Variants in INTU observed in about 807,000 individuals in gnomAD.
The protein encoded by INTU is inturned planar cell polarity protein.
Under a neutral mutation model 100.5 loss-of-function variants are expected in INTU, and 68 were observed. The observed-to-expected ratio is 0.68, with a 90% confidence interval of 0.56 to 0.83. INTU has a LOEUF of 0.83. Ranked by LOEUF, INTU falls within the 40% of genes least tolerant of loss-of-function variation. The pLI, the probability that INTU is intolerant of heterozygous loss-of-function variation, is 0.00. For synonymous variants in INTU, 357 were observed against 395.7 expected (o/e 0.90, Z 1.16); for missense variants, 1,071 against 1,114.7 (o/e 0.96, Z 0.56).
chr4:127,656,580 C>A, intron 2 of INTU, 56 bp from the exon 3 acceptor site: 2 of 1,244,296 alleles, frequency 1.6e-6, no homozygotes, highest in Non-Finnish European at 2.4e-6. Context: ...CAATTCTAGA[C>A]CTCTATGGTT....
At chr4:127,643,439 AC>A in intron 1 of INTU, 81 bp from the exon 2 acceptor site, 1 of 1,137,936 alleles carries the variant, frequency 8.8e-7, no homozygotes, top group Non-Finnish European at 1.2e-6. Flanking sequence ...CCCAGCCCCA[AC>A]CCTCACCCCC....
rs746943564 is a variant in INTU, at chr4:127,639,425, TCTC to T, written c.147-4093_147-4091del. On this transcript the variant is annotated intron_variant, in intron 1 of 15. Transcript: ENST00000335251. The stretch of plus-strand genomic sequence containing the variant: ...CAAGGGGAGGAGGGATTAAACTTCA[TCTC>T]CTGGAGTGGGGATTATCTATATGTA... Among the ~76,000 whole-genome samples, 8 of 152,244 alleles carry T rather than the reference TCTC, an allele frequency of 5.3e-5. No homozygotes were observed. In the South Asian group the frequency reaches 6.2e-4, roughly 12 times the overall value.
At chr4:127,639,112 C>G (rs897497565) in intron 1 of INTU, among the ~76,000 whole-genome samples, 2 of 152,164 alleles carry the variant, frequency 1.3e-5, no homozygotes, top group African/African-American at 4.8e-5. Context: ...TTTGTCAAAA[C>G]AAGACATGAA....
At chr4:127,708,470 T>C (rs1199433079) in intron 12 of INTU, 101 bp from the exon 13 acceptor site, 1 of 637,326 alleles carries the variant, frequency 1.6e-6, no homozygotes, top group East Asian at 2.9e-5. Context: ...GCATTGCAAA[T>C]GGTAAGTAGT....
chr4:127,710,916 G>T lies in INTU; in HGVS notation c.2373G>T (p.Leu791=). Reference sequence around the variant, plus strand: ...TTTGATTTTTTTTCTTTTTAAGACTGACATCTGGTCCTGAGAACACACTTT... The same window carrying T: ...TTTGATTTTTTTTCTTTTTAAGACTTACATCTGGTCCTGAGAACACACTTT... ...KELEIYNTVK[L]TSGPENTLFH... Residue 791 remains leucine (L), a synonymous_variant, in exon 14 of 16, where the codon CTG becomes CTT. Coordinates refer to ENST00000335251, the MANE Select transcript of INTU (RefSeq NM_015693.4). 2.1e-6 allele frequency: 3 copies of T among 1,426,132 alleles called. No individual in the cohort carries two copies. Among genetic ancestry groups the T allele is most frequent in the East Asian group, 4.9e-5 (2 of 40,836 alleles). 88.3% of individuals were successfully genotyped at this position (1,426,132 alleles called of 1,614,324 possible). A position where few individuals can be genotyped will look rare whatever the true frequency, so the allele number is the denominator to read the frequency against.
At chr4:127,637,939 T>G (rs1267861412) in intron 1 of INTU, among the ~76,000 whole-genome samples, 1 of 152,190 alleles carries the variant, frequency 6.6e-6, no homozygotes, top group Non-Finnish European at 1.5e-5. Context: ...TTTGCCTTCT[T>G]TGACATGCTT....
chr4:127,637,989 C>G (rs1418385379), intron 1 of INTU, among the ~76,000 whole-genome samples: 1 of 152,186 alleles, frequency 6.6e-6, no homozygotes, highest in African/African-American at 2.4e-5. Flanking sequence ...AGAGCTTCAG[C>G]TCATCTGAGA....
At position 127,716,342 on chromosome 4, in the gene INTU, C is replaced by CA. The variant is rs889622454; in HGVS notation, c.2739dup (p.Pro914ThrfsTer10). On this transcript the variant is annotated frameshift_variant, in exon 16 of 16. Coordinates refer to ENST00000335251, the MANE Select transcript of INTU (RefSeq NM_015693.4). LOFTEE classifies it high-confidence loss of function. ...TTCTGCAGGAGACTTTTTCTTCATC[C>CA]AAAACCTCAAGAACTTTATGTCTGT... 1.3e-6 allele frequency: 2 copies of CA among 1,563,580 alleles called. No homozygotes were observed. The highest frequency in any genetic ancestry group is 2.7e-5 in the African/African-American group (2 of 73,340).
At position 127,708,561 on chromosome 4, in the gene INTU, T is replaced by C. The variant is rs1245234196; in HGVS notation, c.2272-10T>C. 2 of 1,452,164 alleles carry C rather than the reference T, an allele frequency of 1.4e-6. No homozygotes were observed. Among genetic ancestry groups the C allele is most frequent in the South Asian group, 1.2e-5 (1 of 84,750 alleles). 90.0% of individuals were successfully genotyped at this position (1,452,164 alleles called of 1,614,324 possible). A position where few individuals can be genotyped will look rare whatever the true frequency, so the allele number is the denominator to read the frequency against. The stretch of plus-strand genomic sequence containing the variant: ...AGATATAAACTGATCTACTTAACTA[T>C]ATTTTTCAGGTCACTAAAAAGAAGT... On this transcript the variant is annotated splice_polypyrimidine_tract_variant and intron_variant, in intron 12 of 15. Coordinates refer to ENST00000335251, the MANE Select transcript of INTU (RefSeq NM_015693.4).
chr4:127,710,567 C>T (rs987780533), intron 13 of INTU, among the ~76,000 whole-genome samples: 23 of 152,094 alleles, frequency 1.5e-4, no homozygotes, highest in Admixed American at 9.8e-4. Flanking sequence ...GGGCCAGACA[C>T]GAGCTGAATT....
chr4:127,643,523 A>T lies in INTU; in HGVS notation c.149A>T (p.Asp50Val), dbSNP rs1727425195. The T allele has an allele frequency of 1.3e-6, 2 of 1,583,452 alleles. No homozygotes were observed. The highest frequency in any genetic ancestry group is 1.4e-5 in the African/African-American group (1 of 72,722). ...SYSSASSDYD[D>V]LEPEWLDSVQ... ...ATTATCTTTTCTCTCTTTCATAGTG[A>T]TCTTGAGCCTGAATGGCTGGACAGT... The change falls in exon 2 of 16, where the codon GAT becomes GTT. Residue 50 changes from aspartate to valine, a missense_variant and splice_region_variant. Physicochemically the swap from Asp to Val is radical, Grantham distance 152. Coordinates refer to ENST00000335251, the MANE Select transcript of INTU (RefSeq NM_015693.4).
At position 127,638,406 on chromosome 4, in the gene INTU, T is replaced by G. The variant is rs114265558; in HGVS notation, c.147-5115T>G. Among the ~76,000 whole-genome samples the G allele has an allele frequency of 6.6e-3, 1,010 of 152,266 alleles. 21 individuals carry two copies. The highest frequency in any genetic ancestry group is 0.023 in the African/African-American group (967 of 41,568). On this transcript the variant is annotated intron_variant, in intron 1 of 15. Coordinates refer to ENST00000335251, the MANE Select transcript of INTU (RefSeq NM_015693.4). ...TTCCTTAACTAAGGAAATGTGCCAG[T>G]GGGGCTGGCTGTTTTATAACTCCTT...
chr4:127,688,609 A>G (rs1560864998), intron 8 of INTU, among the ~76,000 whole-genome samples: 1 of 152,202 alleles, frequency 6.6e-6, no homozygotes, highest in South Asian at 2.1e-4. Context: ...AGACTCTACA[A>G]TGTATGATCA....
At chr4:127,637,578 C>A (rs965203269) in intron 1 of INTU, among the ~76,000 whole-genome samples, 5 of 152,154 alleles carry the variant, frequency 3.3e-5, no homozygotes, top group African/African-American at 9.7e-5. Context: ...CTCCTAGAAT[C>A]TTTTCTGGTC....
At chr4:127,678,696 A>G (rs1391950629) in intron 6 of INTU, among the ~76,000 whole-genome samples, 3 of 152,222 alleles carry the variant, frequency 2.0e-5, no homozygotes, top group African/African-American at 7.2e-5. Context: ...GCATCAACTA[A>G]CGAGCAAAAT....
rs759991695 is a variant in INTU, at chr4:127,719,179, T to C, written c.*2743T>C. ...CCTTCAATACCTAGTTTATTGAGAG[T>C]TTTTAACATGAAAGGATGTTGAATT... On this transcript the variant is annotated 3_prime_UTR_variant, in exon 16 of 16. Coordinates refer to ENST00000335251, the MANE Select transcript of INTU (RefSeq NM_015693.4). The C allele has an allele frequency of 2.6e-5, 4 of 152,168 alleles. No individual in the cohort carries two copies. Among genetic ancestry groups the C allele is most frequent in the Non-Finnish European group, 5.9e-5 (4 of 68,032 alleles). 9.4% of individuals were successfully genotyped at this position (152,168 alleles called of 1,614,324 possible). A position where few individuals can be genotyped will look rare whatever the true frequency, so the allele number is the denominator to read the frequency against.
At chr4:127,707,284 G>A (rs930192764) in intron 12 of INTU, among the ~76,000 whole-genome samples, 1 of 148,750 alleles carries the variant, frequency 6.7e-6, no homozygotes, top group Non-Finnish European at 1.5e-5. Flanking sequence ...TCGGGAGGCT[G>A]AGGCACAAGA....
intron 15 of INTU, among the ~76,000 whole-genome samples, chr4:127,714,870 G>C (rs974280648): frequency 6.6e-6 from 1 of 152,092 alleles, no homozygotes; most frequent in African/African-American, 2.4e-5. Flanking sequence ...AGGTGAGACT[G>C]TGCCTGGCAA....
intron 3 of INTU, among the ~76,000 whole-genome samples, chr4:127,657,152 T>G (rs1416618622): frequency 2.6e-5 from 4 of 152,156 alleles, no homozygotes; most frequent in Admixed American, 2.6e-4. Flanking sequence ...ACAAGTTTCT[T>G]GATTTTTTTT....
Sources: gnomAD v4.1 joint callset for allele counts (sites outside exome capture counted in the v4.1 genomes callset) on GRCh38, gnomAD v4.1.1 for gene constraint, MANE v1.5 for transcripts, NCBI Gene and HGNC (gene_info 2026-07-23, HGNC 2026-07-21) for gene names.